The following TPRG1 variants were observed in gnomAD, a reference collection of about 807,000 sequenced individuals.
TPRG1 encodes tumor protein p63-regulated gene 1 protein.
Under a neutral mutation model 29.3 loss-of-function variants are expected in TPRG1, and 29 were observed. The ratio of observed to expected loss-of-function variants is 0.99; its 90% confidence interval spans 0.74 to 1.35. The LOEUF (loss-of-function observed/expected upper bound fraction) is 1.35. TPRG1 is among the 40% of genes most tolerant of loss of function. TPRG1 has a pLI of 0.00. For synonymous variants in TPRG1, 130 were observed against 116.8 expected (o/e 1.11, Z -0.73); for missense variants, 327 against 335.0 (o/e 0.98, Z 0.19).
chr3:189,176,718 G>A (rs552292620), intron 1 of TPRG1, among the ~76,000 whole-genome samples: 70 of 152,304 alleles, frequency 4.6e-4, no homozygotes, highest in Admixed American at 1.6e-3. Flanking sequence ...GGAACAGGAA[G>A]TGCAAAGGCC....
At chr3:189,218,584 A>C (rs913696894) in intron 3 of TPRG1, among the ~76,000 whole-genome samples, 1 of 152,162 alleles carries the variant, frequency 6.6e-6, no homozygotes, top group Admixed American at 6.5e-5. Flanking sequence ...TGAGAGTAAA[A>C]GCCCTTTTAC....
chr3:189,316,582 C>G (rs1204761276), intron 5 of TPRG1, among the ~76,000 whole-genome samples: 1 of 152,132 alleles, frequency 6.6e-6, no homozygotes, highest in African/African-American at 2.4e-5. Context: ...TGGCAGACAG[C>G]ACCTAAAGCA....
intron 4 of TPRG1, among the ~76,000 whole-genome samples, chr3:189,094,535 A>T (rs1479140228): frequency 6.6e-6 from 1 of 152,170 alleles, no homozygotes; most frequent in African/African-American, 2.4e-5. Flanking sequence ...TTGAGCTTGG[A>T]GATCAACCTG....
intron 3 of TPRG1, among the ~76,000 whole-genome samples, chr3:189,224,920 TCTTC>T (rs1206037043): frequency 6.8e-6 from 1 of 147,210 alleles, no homozygotes; most frequent in African/African-American, 2.5e-5. Context: ...TATAGGTGTC[TCTTC>T]CTTTTTCTTT....
chr3:189,156,378 G>A (rs1221697268), intron 5 of TPRG1, among the ~76,000 whole-genome samples: 1 of 152,024 alleles, frequency 6.6e-6, no homozygotes, highest in Non-Finnish European at 1.5e-5. Flanking sequence ...AAATTATGTT[G>A]TGTTAAGCCC....
chr3:189,234,007 A>T (rs1170263380), intron 3 of TPRG1, among the ~76,000 whole-genome samples: 1 of 152,106 alleles, frequency 6.6e-6, no homozygotes, highest in East Asian at 1.9e-4. Context: ...GGTAGCTGGG[A>T]CTATAGCCGC....
At chr3:189,261,977 T>C (rs1052059626) in intron 4 of TPRG1, among the ~76,000 whole-genome samples, 4 of 152,146 alleles carry the variant, frequency 2.6e-5, no homozygotes, top group African/African-American at 9.7e-5. Flanking sequence ...TCAGTCATAT[T>C]AGGATATGAG....
intron 3 of TPRG1, 142 bp downstream of exon 3, chr3:189,215,525 A>T (rs1371802018): frequency 1.3e-6 from 1 of 749,576 alleles, no homozygotes; most frequent in African/African-American, 1.8e-5. Context: ...GGTTAGTCAC[A>T]TTTTCCAGCA....
intron 4 of TPRG1, among the ~76,000 whole-genome samples, chr3:189,072,460 T>G (rs975335962): frequency 3.9e-5 from 6 of 152,220 alleles, no homozygotes; most frequent in African/African-American, 1.4e-4. Context: ...GGATATTTTT[T>G]ATATTTTTTA....
At chr3:189,266,643 G>A (rs185798470) in intron 4 of TPRG1, among the ~76,000 whole-genome samples, 13 of 152,242 alleles carry the variant, frequency 8.5e-5, no homozygotes, top group Admixed American at 8.5e-4. Flanking sequence ...CCAAGCTGAA[G>A]GCATGTATAA....
chr3:189,166,684 G>C (rs745694429), intron 5 of TPRG1, among the ~76,000 whole-genome samples: 1 of 152,070 alleles, frequency 6.6e-6, no homozygotes, highest in Non-Finnish European at 1.5e-5. Context: ...CTAGCTCTTC[G>C]TTTGTGTGTT....
intron 4 of TPRG1, among the ~76,000 whole-genome samples, chr3:189,075,119 A>AT (rs757675893): frequency 5.3e-5 from 8 of 149,942 alleles, no homozygotes; most frequent in Non-Finnish European, 1.0e-4. Flanking sequence ...TCATGCTCTG[A>AT]TTTTTAAATT....
intron 4 of TPRG1, among the ~76,000 whole-genome samples, chr3:189,298,220 T>A (rs1422975386): frequency 6.6e-6 from 1 of 152,220 alleles, no homozygotes; most frequent in Non-Finnish European, 1.5e-5. Context: ...TTTACACCAT[T>A]TTCCTTCTTT....
At chr3:189,223,747 A>G (rs1294466087) in intron 3 of TPRG1, among the ~76,000 whole-genome samples, 1 of 152,240 alleles carries the variant, frequency 6.6e-6, no homozygotes, top group Non-Finnish European at 1.5e-5. Context: ...TTTGTGATCT[A>G]TAAAATAGGG....
chr3:189,089,894 G>A (rs553146263), intron 4 of TPRG1, among the ~76,000 whole-genome samples: 1 of 151,832 alleles, frequency 6.6e-6, no homozygotes, highest in Non-Finnish European at 1.5e-5. Flanking sequence ...TATTTTGTTT[G>A]TCTTCTTTTT....
intron 4 of TPRG1, among the ~76,000 whole-genome samples, chr3:189,253,126 G>A (rs776023240): frequency 4.6e-5 from 7 of 151,974 alleles, no homozygotes; most frequent in East Asian, 1.9e-4. Context: ...TACATGTACC[G>A]TGGTGGTTTG....
At chr3:189,126,139 G>T (rs1722463071) in intron 1 of TPRG1, among the ~76,000 whole-genome samples, 1 of 152,014 alleles carries the variant, frequency 6.6e-6, no homozygotes, top group Admixed American at 6.6e-5. Flanking sequence ...TTGGTTTGGG[G>T]GATGATGCAT....
At chr3:189,261,579 A>G (rs1713057695) in intron 4 of TPRG1, among the ~76,000 whole-genome samples, 1 of 152,184 alleles carries the variant, frequency 6.6e-6, no homozygotes, top group Admixed American at 6.5e-5. Context: ...ATTGTGTACG[A>G]CAGAGTGGCA....
intron 1 of TPRG1, among the ~76,000 whole-genome samples, chr3:189,118,110 G>T (rs1383858458): frequency 6.6e-6 from 1 of 152,152 alleles, no homozygotes; most frequent in Non-Finnish European, 1.5e-5. Flanking sequence ...CTAGAGACTT[G>T]TTGAATGGCT....
Sources: gnomAD v4.1 joint callset for allele counts (sites outside exome capture counted in the v4.1 genomes callset) on GRCh38, gnomAD v4.1.1 for gene constraint, MANE v1.5 for transcripts, NCBI Gene and HGNC (gene_info 2026-07-23, HGNC 2026-07-21) for gene names.